EXOC4: variants seen among roughly 807,000 people sequenced by gnomAD.
The protein encoded by EXOC4 is exocyst complex component 4.
Under a neutral mutation model 107.2 loss-of-function variants are expected in EXOC4, and 71 were observed. The observed-to-expected ratio is 0.66, with a 90% confidence interval of 0.55 to 0.81. EXOC4 has a LOEUF of 0.81. EXOC4 is among the 30% of genes least tolerant of loss of function. The pLI is 0.00. For missense variants in EXOC4, 1,108 were observed against 1,189.6 expected (o/e 0.93, Z 1.01); for synonymous variants, 456 against 441.2 (o/e 1.03, Z -0.42).
intron 10 of EXOC4, among the ~76,000 whole-genome samples, chr7:133,816,221 T>C (rs1797365421): frequency 6.6e-6 from 1 of 152,238 alleles, no homozygotes; most frequent in African/African-American, 2.4e-5. Context: ...ATTTAAACTA[T>C]GTAATTGATG....
At chr7:133,292,227 C>T (rs1025003390) in intron 3 of EXOC4, among the ~76,000 whole-genome samples, 1 of 152,070 alleles carries the variant, frequency 6.6e-6, no homozygotes, top group African/African-American at 2.4e-5. Flanking sequence ...GCCTGTAATC[C>T]CAGCTAGCTC....
chr7:133,749,214 C>T (rs1585119950), intron 10 of EXOC4, among the ~76,000 whole-genome samples: 1 of 152,156 alleles, frequency 6.6e-6, no homozygotes, highest in African/African-American at 2.4e-5. Context: ...TTGAGAATCA[C>T]TGCCCTCTGT....
intron 12 of EXOC4, among the ~76,000 whole-genome samples, chr7:133,901,395 G>C (rs1182570637): frequency 6.6e-6 from 1 of 152,086 alleles, no homozygotes; most frequent in East Asian, 1.9e-4. Context: ...GTTGACATCT[G>C]TATATTACTT....
intron 11 of EXOC4, among the ~76,000 whole-genome samples, chr7:133,857,655 C>T (rs1031107340): frequency 9.9e-5 from 15 of 151,726 alleles, no homozygotes; most frequent in African/African-American, 2.9e-4. Context: ...CCAGCTGCTG[C>T]GGCAGGGCAG....
downstream of EXOC4, among the ~76,000 whole-genome samples, chr7:134,067,744 T>C (rs2116656631): frequency 6.6e-6 from 1 of 152,178 alleles, no homozygotes; most frequent in South Asian, 2.1e-4. Context: ...AGCTATATAT[T>C]ATTGCCTGTC....
intron 9 of EXOC4, among the ~76,000 whole-genome samples, chr7:133,618,690 A>T (rs912086851): frequency 1.3e-5 from 2 of 152,130 alleles, no homozygotes; most frequent in African/African-American, 2.4e-5. Flanking sequence ...TTTTGATTGT[A>T]GATATGTAGG....
At chr7:133,489,130 TGAA>T (rs757704731) in intron 9 of EXOC4, among the ~76,000 whole-genome samples, 1 of 151,582 alleles carries the variant, frequency 6.6e-6, no homozygotes, top group East Asian at 1.9e-4. Flanking sequence ...GATAAAAAAA[TGAA>T]GAAGGTAAGG....
intron 3 of EXOC4, among the ~76,000 whole-genome samples, chr7:133,298,980 G>T (rs1371213330): frequency 1.3e-5 from 2 of 152,152 alleles, no homozygotes; most frequent in African/African-American, 4.8e-5. Context: ...AATGTTTAGG[G>T]ATAGGCACAT....
intron 9 of EXOC4, among the ~76,000 whole-genome samples, chr7:133,529,157 A>ATG (rs1264918309): frequency 6.6e-6 from 1 of 152,082 alleles, no homozygotes; most frequent in African/African-American, 2.4e-5. Context: ...ACTTTGAATG[A>ATG]TGTGTACAGT....
At chr7:133,888,652 C>T (rs1367556632) in intron 11 of EXOC4, among the ~76,000 whole-genome samples, 2 of 151,950 alleles carry the variant, frequency 1.3e-5, no homozygotes, top group African/African-American at 4.8e-5. Flanking sequence ...TTTTTTAATT[C>T]AGTTTTAAAA....
chr7:133,972,231 A>T (rs1801258559), intron 14 of EXOC4, among the ~76,000 whole-genome samples: 2 of 152,144 alleles, frequency 1.3e-5, no homozygotes, highest in Non-Finnish European at 2.9e-5. Flanking sequence ...CTTTTTATTA[A>T]ACTAACAAGA....
chr7:133,392,229 G>T (rs1254125739), intron 7 of EXOC4, among the ~76,000 whole-genome samples: 1 of 152,026 alleles, frequency 6.6e-6, no homozygotes, highest in Non-Finnish European at 1.5e-5. Flanking sequence ...CTGATTCTGG[G>T]CCCTGTTGAT....
At chr7:133,834,879 G>A (rs1197414993) in intron 11 of EXOC4, among the ~76,000 whole-genome samples, 6 of 152,152 alleles carry the variant, frequency 3.9e-5, no homozygotes, top group Non-Finnish European at 5.9e-5. Flanking sequence ...ACCAGTGGGA[G>A]GTGATTGAAT....
chr7:133,987,413 AGAAG>A (rs1794143569), intron 14 of EXOC4, among the ~76,000 whole-genome samples: 1 of 151,748 alleles, frequency 6.6e-6, no homozygotes, highest in East Asian at 1.9e-4. Context: ...GAGAAAGAAA[AGAAG>A]GAAGGGAGGA....
chr7:133,497,039 T>G (rs1799491588), intron 9 of EXOC4, among the ~76,000 whole-genome samples: 1 of 152,132 alleles, frequency 6.6e-6, no homozygotes, highest in Non-Finnish European at 1.5e-5. Context: ...TGTAAGGACC[T>G]GGGGTCATCT....
chr7:133,363,065 C>T (rs1238856988), intron 6 of EXOC4, among the ~76,000 whole-genome samples: 2 of 152,054 alleles, frequency 1.3e-5, no homozygotes, highest in East Asian at 1.9e-4. Flanking sequence ...TCAAAGCAAG[C>T]GGGAAGCAAG....
intron 11 of EXOC4, among the ~76,000 whole-genome samples, chr7:133,884,157 G>A (rs757310298): frequency 5.3e-5 from 8 of 152,152 alleles, no homozygotes; most frequent in Non-Finnish European, 8.8e-5. Flanking sequence ...AACCTCAATA[G>A]GAAAGGCACC....
intron 11 of EXOC4, among the ~76,000 whole-genome samples, chr7:133,819,050 C>T (rs566556992): frequency 1.3e-5 from 2 of 152,216 alleles, no homozygotes; most frequent in Admixed American, 6.5e-5. Flanking sequence ...GCTGTGAGTG[C>T]CTCCCTCCAT....
At chr7:133,484,867 G>A (rs1056249795) in intron 9 of EXOC4, among the ~76,000 whole-genome samples, 2 of 151,822 alleles carry the variant, frequency 1.3e-5, no homozygotes, top group Admixed American at 1.3e-4. Context: ...ATCACTTGAG[G>A]TCAGGAGTTT....
Sources: gnomAD v4.1 joint callset for allele counts (sites outside exome capture counted in the v4.1 genomes callset) on GRCh38, gnomAD v4.1.1 for gene constraint, MANE v1.5 for transcripts, NCBI Gene and HGNC (gene_info 2026-07-23, HGNC 2026-07-21) for gene names.